MGST1: variants seen among roughly 807,000 people sequenced by gnomAD.
The protein encoded by MGST1 is glutathione S-transferase 12.
MGST1 carries 5 observed loss-of-function variants against 8.9 expected under a neutral mutation model. The observed-to-expected ratio is 0.56, with a 90% CI of 0.29 to 1.19. The LOEUF (loss-of-function observed/expected upper bound fraction) is 1.19, where lower values mean the gene tolerates loss of function less well. Among genes scored for constraint, MGST1 ranks in the 50% most tolerant of loss-of-function variants. MGST1 has a pLI of 0.08. For missense variants in MGST1, 182 were observed against 187.4 expected (o/e 0.97, Z 0.17); for synonymous variants, 54 against 67.8 (o/e 0.80, Z 1.00).
intron 4 of MGST1, among the ~76,000 whole-genome samples, chr12:16,571,570 C>T (rs1029414652): frequency 6.6e-6 from 1 of 152,102 alleles, no homozygotes; most frequent in South Asian, 2.1e-4. Context: ...AGTCTATATA[C>T]TCATGTTATC....
chr12:16,395,607 A>T (rs1407879026), intron 1 of MGST1, among the ~76,000 whole-genome samples: 1 of 151,114 alleles, frequency 6.6e-6, no homozygotes. Context: ...AGTCCATTGT[A>T]TCATTTTTAT....
At chr12:16,355,517 A>G (rs1363409787) in intron 2 of MGST1, among the ~76,000 whole-genome samples, 2 of 151,970 alleles carry the variant, frequency 1.3e-5, no homozygotes, top group South Asian at 2.1e-4. Flanking sequence ...TTTGAGGTAT[A>G]ATGGAAGGAT....
chr12:16,573,681 G>A (rs115452118), intron 4 of MGST1: 1 of 152,188 alleles, frequency 6.6e-6, no homozygotes, highest in African/African-American at 2.4e-5. Context: ...TGCTCTGCTC[G>A]AGCTGGAGCG....
chr12:16,536,435 T>C (rs1353451428), intron 4 of MGST1, among the ~76,000 whole-genome samples: 2 of 152,104 alleles, frequency 1.3e-5, no homozygotes, highest in East Asian at 3.9e-4. Flanking sequence ...AGAAATGGTT[T>C]TGAGAGAAGT....
Position 16,585,854 on chromosome 12 carries a change from C to T in MGST1, n.483-3674C>T, listed in dbSNP as rs1406418145. On this transcript the variant is annotated intron_variant and non_coding_transcript_variant, in intron 4 of 4. Transcript: ENST00000538857. This position sits in a 1 kb window ranked among gnomAD's most constrained non-coding sequence, Gnocchi z 4.7. ...ACAAAGAAAAGAGGGAAAATGTCAA[C>T]ATGTATATGATTCACAGGCCCAAGT... Among the ~76,000 whole-genome samples, 1 of 152,114 alleles carries T rather than the reference C, an allele frequency of 6.6e-6. No homozygotes were observed. Among genetic ancestry groups the T allele is most frequent in the Non-Finnish European group, 1.5e-5 (1 of 68,018 alleles).
chr12:16,408,141 A>T (rs1188741260), intron 1 of MGST1, among the ~76,000 whole-genome samples: 1 of 151,596 alleles, frequency 6.6e-6, no homozygotes, highest in Non-Finnish European at 1.5e-5. Context: ...GTTCTCAGTT[A>T]TAGGTGGGAG....
At chr12:16,359,097 T>G (rs2136967924) in intron 3 of MGST1, among the ~76,000 whole-genome samples, 1 of 152,236 alleles carries the variant, frequency 6.6e-6, no homozygotes, top group South Asian at 2.1e-4. Context: ...TGGCTAAAAA[T>G]AGACTTGAGT....
At chr12:16,473,961 C>G (rs1346072425) in intron 4 of MGST1, among the ~76,000 whole-genome samples, 3 of 152,174 alleles carry the variant, frequency 2.0e-5, no homozygotes, top group Non-Finnish European at 2.9e-5. Context: ...AAGTAGCACT[C>G]TTTGTCATCT....
At chr12:16,549,163 C>T (rs1460441220) in intron 4 of MGST1, 1 of 152,116 alleles carries the variant, frequency 6.6e-6, no homozygotes, top group Non-Finnish European at 1.5e-5. Context: ...AACCACTTTT[C>T]ACTGATCTCT....
At chr12:16,543,855 C>G (rs140924681) in intron 4 of MGST1, among the ~76,000 whole-genome samples, 118 of 152,064 alleles carry the variant, frequency 7.8e-4, no homozygotes, top group African/African-American at 2.7e-3. Flanking sequence ...ATCAAGCTAA[C>G]CTTAAAAATA....
chr12:16,456,497 A>T (rs558148642), intron 4 of MGST1, among the ~76,000 whole-genome samples: 1 of 152,094 alleles, frequency 6.6e-6, no homozygotes, highest in Admixed American at 6.6e-5. Context: ...ACCCTCTCAG[A>T]CAATGGGCTT....
At position 16,503,889 on chromosome 12, in the gene MGST1, T is replaced by C. The variant is rs1253146736; in HGVS notation, n.483-85639T>C. On this transcript the variant is annotated intron_variant and non_coding_transcript_variant, in intron 4 of 4. Transcript: ENST00000538857. This position sits in a 1 kb window ranked among gnomAD's most constrained non-coding sequence, Gnocchi z 4.8. ...CATAACTACCTCAGAGCTGCCACTC[T>C]GGGCACATTGCCTATGGGGTAGCCC... Among the ~76,000 whole-genome samples, 1 of 152,224 alleles carries C rather than the reference T, an allele frequency of 6.6e-6. No homozygotes were observed. Among genetic ancestry groups the C allele is most frequent in the East Asian group, 1.9e-4 (1 of 5,202 alleles).
chr12:16,577,221 C>T (rs1943021117), intron 4 of MGST1, among the ~76,000 whole-genome samples: 1 of 152,116 alleles, frequency 6.6e-6, no homozygotes, highest in African/African-American at 2.4e-5. Flanking sequence ...CTAACTTAGG[C>T]AGACAGTCAG....
intron 1 of MGST1, chr12:16,383,707 C>A (rs1030970099): frequency 3.9e-5 from 6 of 152,140 alleles, no homozygotes; most frequent in South Asian, 4.1e-4. Context: ...GTGATCCATC[C>A]GCCTTGGCCT....
rs1941593787 is a variant in MGST1, at chr12:16,513,885, C to CTT, written n.483-75642_483-75641dup. The CTT allele has an allele frequency of 1.7e-5, 10 of 604,128 alleles. No homozygotes were observed. In the Admixed American group the frequency reaches 2.0e-4, roughly 12 times the overall value. The allele number at this position is 604,128 out of a possible 1,614,324, so 37.4% of individuals were successfully genotyped here. A position where few individuals can be genotyped will look rare whatever the true frequency, so the allele number is the denominator to read the frequency against. ...CAACCTGGGGAAGTCGCACACCCATCTTCAGGGATACTGGCATGCAGCTAC... is the reference window on the plus strand; with the variant it reads ...CAACCTGGGGAAGTCGCACACCCATCTTTTCAGGGATACTGGCATGCAGCTAC... On this transcript the variant is annotated intron_variant and non_coding_transcript_variant, in intron 4 of 4. Coordinates refer to the MGST1 transcript ENST00000538857. This position sits in a 1 kb window ranked among gnomAD's most constrained non-coding sequence, Gnocchi z 4.2.
At chr12:16,492,685 G>A (rs1941447477) in intron 4 of MGST1, among the ~76,000 whole-genome samples, 1 of 152,122 alleles carries the variant, frequency 6.6e-6, no homozygotes, top group Admixed American at 6.6e-5. Context: ...GTCATAGCTA[G>A]ACTATCACTA....
chr12:16,374,632 G>A (rs1940351470), intron 3 of MGST1, among the ~76,000 whole-genome samples: 1 of 152,014 alleles, frequency 6.6e-6, no homozygotes, highest in Non-Finnish European at 1.5e-5. Context: ...ATGTATGAAA[G>A]TACTTGAAAA....
chr12:16,377,608 G>A (rs915954552), downstream of MGST1, among the ~76,000 whole-genome samples: 14 of 152,058 alleles, frequency 9.2e-5, no homozygotes, highest in Admixed American at 4.6e-4. Flanking sequence ...ATATACATAC[G>A]TGTGCATGTG....
chr12:16,412,623 T>C (rs1336614359), intron 1 of MGST1, among the ~76,000 whole-genome samples: 4 of 152,132 alleles, frequency 2.6e-5, no homozygotes, highest in Admixed American at 1.3e-4. Flanking sequence ...AATTAAATCA[T>C]GCGGATGAGT....
Sources: allele counts gnomAD v4.1 joint callset (sites outside exome capture counted in the v4.1 genomes callset), GRCh38; gene constraint gnomAD v4.1.1; non-coding constraint Gnocchi (gnomAD v3.1); transcripts MANE v1.5; gene names NCBI Gene and HGNC (gene_info 2026-07-23, HGNC 2026-07-21).